PLEKHH2: variants seen among roughly 807,000 people sequenced by gnomAD.
PLEKHH2 encodes the protein pleckstrin homology domain-containing family H member 2.
In PLEKHH2, 129 loss-of-function variants were observed where a neutral mutation model predicts 187.9. The observed-to-expected ratio is 0.69, with a 90% CI of 0.59 to 0.79. The LOEUF (loss-of-function observed/expected upper bound fraction) is 0.79, where lower values mean the gene tolerates loss of function less well. PLEKHH2 is among the 30% of genes least tolerant of loss of function. The pLI, the probability that PLEKHH2 is intolerant of heterozygous loss-of-function variation, is 0.00. For synonymous variants in PLEKHH2, 686 were observed against 605.6 expected, an observed-to-expected ratio of 1.13 and a Z score of -1.95; for missense variants, 2,076 against 1,751.2, an observed-to-expected ratio of 1.19 and a Z score of -3.31.
At chr2:43,674,812 C>T (rs1667654325) in intron 2 of PLEKHH2, among the ~76,000 whole-genome samples, 1 of 152,070 alleles carries the variant, frequency 6.6e-6, no homozygotes, top group Non-Finnish European at 1.5e-5. Context: ...TGGTGAAACG[C>T]TGTCTCTACT....
chr2:43,681,358 A>G, intron 3 of PLEKHH2: 2 of 1,341,268 alleles, frequency 1.5e-6, no homozygotes, highest in South Asian at 1.3e-5. Flanking sequence ...CTGTCATCAG[A>G]ATTTACTTCT....
At chr2:43,710,810 T>C in intron 14 of PLEKHH2, 1 of 1,284,278 alleles carries the variant, frequency 7.8e-7, no homozygotes. Context: ...TCCTTTATAC[T>C]CTTCTTTCCT....
At chr2:43,679,179 G>A (rs572594465) in intron 3 of PLEKHH2, among the ~76,000 whole-genome samples, 3 of 152,120 alleles carry the variant, frequency 2.0e-5, no homozygotes, top group African/African-American at 7.2e-5. Flanking sequence ...GACTTTTATG[G>A]TAATACTAAC....
At chr2:43,693,628 G>A (rs888164143) in intron 4 of PLEKHH2, among the ~76,000 whole-genome samples, 12 of 151,302 alleles carry the variant, frequency 7.9e-5, no homozygotes, top group Admixed American at 4.0e-4. Flanking sequence ...GGAGGCTGAC[G>A]CAGGAGAGCG....
intron 1 of PLEKHH2, among the ~76,000 whole-genome samples, chr2:43,641,275 T>C (rs1211554459): frequency 6.6e-6 from 1 of 152,144 alleles, no homozygotes; most frequent in Admixed American, 6.5e-5. Flanking sequence ...TTTTATGAAG[T>C]CCAATTTATC....
At chr2:43,683,811 A>G (rs1668362158) in intron 3 of PLEKHH2, among the ~76,000 whole-genome samples, 1 of 151,756 alleles carries the variant, frequency 6.6e-6, no homozygotes, top group Non-Finnish European at 1.5e-5. Context: ...ATTAGCAGCC[A>G]TTGATTACCT....
intron 6 of PLEKHH2, among the ~76,000 whole-genome samples, chr2:43,696,484 T>C (rs1387124262): frequency 2.7e-5 from 3 of 112,508 alleles, no homozygotes; most frequent in African/African-American, 9.6e-5. Context: ...AGACACCCTG[T>C]CTCAAAAAAA....
At chr2:43,642,880 A>G (rs1408814932) in intron 1 of PLEKHH2, among the ~76,000 whole-genome samples, 1 of 152,172 alleles carries the variant, frequency 6.6e-6, no homozygotes, top group Non-Finnish European at 1.5e-5. Flanking sequence ...AACCAGTATT[A>G]ACCTATTAAC....
chr2:43,701,603 C>G (rs1669369224), intron 8 of PLEKHH2, among the ~76,000 whole-genome samples: 1 of 151,498 alleles, frequency 6.6e-6, no homozygotes. Context: ...TCTTTTTGAG[C>G]TTATATAGCC....
chr2:43,649,874 A>C (rs1666378983), intron 2 of PLEKHH2, among the ~76,000 whole-genome samples: 1 of 152,134 alleles, frequency 6.6e-6, no homozygotes, highest in Non-Finnish European at 1.5e-5. Flanking sequence ...ATTCCACCTA[A>C]ATTAACCAAT....
Position 43,699,990 on chromosome 2 carries a change from G to A in PLEKHH2, c.1032G>A (p.Lys344=), listed in dbSNP as rs922821219. 2 of 1,614,176 alleles carry A rather than the reference G, an allele frequency of 1.2e-6. No homozygotes were observed. Among genetic ancestry groups the A allele is most frequent in the African/African-American group, 1.3e-5 (1 of 75,044 alleles). Residue 344 remains lysine, a synonymous_variant, in exon 8 of 30, where the codon AAG becomes AAA. Coordinates refer to ENST00000282406, the MANE Select transcript of PLEKHH2 (RefSeq NM_172069.4). ...TTGAGGAAGAGACTTTTGGCATAAA[G>A]AGACCAGAACACAAGAAGCTATATT... ...SIFEEETFGI[K]RPEHKKLYSW...
chr2:43,653,675 C>T (rs1018832770), intron 2 of PLEKHH2, among the ~76,000 whole-genome samples: 1 of 152,180 alleles, frequency 6.6e-6, no homozygotes, highest in African/African-American at 2.4e-5. Flanking sequence ...GAGCCTGGCA[C>T]AGGTCAGTTC....
chr2:43,749,003 C>T (rs549540958), intron 24 of PLEKHH2, among the ~76,000 whole-genome samples: 113 of 152,196 alleles, frequency 7.4e-4, no homozygotes, highest in South Asian at 1.5e-3. Flanking sequence ...GTGATCTGCC[C>T]GCCTCGGCCT....
At chr2:43,714,943 T>C (rs1176498653) in intron 15 of PLEKHH2, among the ~76,000 whole-genome samples, 2 of 152,078 alleles carry the variant, frequency 1.3e-5, no homozygotes, top group African/African-American at 4.8e-5. Flanking sequence ...CAAGTGGGAA[T>C]GGGTGGAGGG....
intron 24 of PLEKHH2, among the ~76,000 whole-genome samples, chr2:43,749,364 T>C (rs1671915795): frequency 6.6e-6 from 1 of 152,134 alleles, no homozygotes; most frequent in Non-Finnish European, 1.5e-5. Flanking sequence ...ACCAAACCAA[T>C]AGATTTCTTA....
intron 2 of PLEKHH2, among the ~76,000 whole-genome samples, chr2:43,660,029 C>T (rs62138788): frequency 0.18 from 26,703 of 152,126 alleles, 2,455 homozygotes; most frequent in Middle Eastern, 0.29. Context: ...TTCCCTCCTG[C>T]GCCTTTATAG....
chr2:43,652,256 T>C (rs1666513144), intron 2 of PLEKHH2, among the ~76,000 whole-genome samples: 1 of 152,232 alleles, frequency 6.6e-6, no homozygotes, highest in Admixed American at 6.5e-5. Context: ...ATTAGTTGAC[T>C]CTAAGGGCCA....
At chr2:43,703,627 C>A (rs1041467941) in intron 8 of PLEKHH2, among the ~76,000 whole-genome samples, 1 of 152,092 alleles carries the variant, frequency 6.6e-6, no homozygotes, top group African/African-American at 2.4e-5. Context: ...TTCTCCCCAC[C>A]GCCAACCATA....
intron 16 of PLEKHH2, among the ~76,000 whole-genome samples, chr2:43,721,152 C>T (rs137971381): frequency 2.3e-3 from 354 of 152,234 alleles, no homozygotes; most frequent in African/African-American, 5.7e-3. Context: ...TCCCGAATAC[C>T]GCTTATCTAC....
Sources: allele counts gnomAD v4.1 joint callset (sites outside exome capture counted in the v4.1 genomes callset), GRCh38; gene constraint gnomAD v4.1.1; transcripts MANE v1.5; gene names NCBI Gene and HGNC (gene_info 2026-07-23, HGNC 2026-07-21).